The following NRXN3 variants were observed in gnomAD, a reference collection of about 807,000 sequenced individuals.
NRXN3 encodes the protein neurexin III.
NRXN3 carries 32 observed loss-of-function variants against 137.6 expected under a neutral mutation model. That is an observed-to-expected ratio of 0.23 (90% CI 0.18 to 0.31). The LOEUF (loss-of-function observed/expected upper bound fraction) is 0.31, where lower values mean the gene tolerates loss of function less well. NRXN3 is among the 10% of genes least tolerant of loss of function. The probability of loss-of-function intolerance (pLI) is 1.00; values close to 1 mark genes in which losing one functional copy is unlikely to be tolerated. For synonymous variants in NRXN3, 798 were observed against 784.5 expected (o/e 1.02, Z -0.29); for missense variants, 1,574 against 2,062.5 (o/e 0.76, Z 4.59).
At chr14:79,569,468 A>G (rs2097577385) in intron 16 of NRXN3, among the ~76,000 whole-genome samples, 2 of 152,166 alleles carry the variant, frequency 1.3e-5, no homozygotes, top group South Asian at 4.1e-4. Context: ...GCATTAAACA[A>G]TTACTATGCA....
chr14:78,585,858 G>C (rs891795055), intron 4 of NRXN3, among the ~76,000 whole-genome samples: 1 of 152,148 alleles, frequency 6.6e-6, no homozygotes, highest in African/African-American at 2.4e-5. Flanking sequence ...ATTGGTGATG[G>C]TATGAGTAAG....
At chr14:79,617,906 C>T (rs1209555824) in intron 16 of NRXN3, among the ~76,000 whole-genome samples, 2 of 88,200 alleles carry the variant, frequency 2.3e-5, no homozygotes, top group Non-Finnish European at 4.0e-5. Context: ...GAGATAGGAG[C>T]TGAATAGCAG....
intron 15 of NRXN3, among the ~76,000 whole-genome samples, chr14:79,112,674 C>T (rs1161276150): frequency 1.3e-5 from 2 of 152,156 alleles, no homozygotes; most frequent in East Asian, 3.9e-4. Context: ...AATGCAGTAC[C>T]TTGAAAAAAG....
intron 4 of NRXN3, among the ~76,000 whole-genome samples, chr14:78,553,524 C>T (rs1341869434): frequency 2.6e-5 from 4 of 152,182 alleles, no homozygotes; most frequent in Non-Finnish European, 5.9e-5. Flanking sequence ...ATCCACCCAT[C>T]CCCTCTCAGA....
At chr14:78,286,629 GC>G (rs1367282654) in intron 3 of NRXN3, among the ~76,000 whole-genome samples, 1 of 152,172 alleles carries the variant, frequency 6.6e-6, no homozygotes, top group Non-Finnish European at 1.5e-5. Context: ...ATGTAGGGAG[GC>G]ATCTGAGGAT....
intron 4 of NRXN3, among the ~76,000 whole-genome samples, chr14:78,598,012 T>C (rs2097171835): frequency 6.6e-6 from 1 of 152,192 alleles, no homozygotes; most frequent in Non-Finnish European, 1.5e-5. Flanking sequence ...AGGTCTCTGC[T>C]TCACAGCTCT....
intron 19 of NRXN3, among the ~76,000 whole-genome samples, chr14:79,736,477 C>T (rs1240574441): frequency 6.6e-6 from 1 of 152,176 alleles, no homozygotes; most frequent in Non-Finnish European, 1.5e-5. Context: ...AGAGCTTCCT[C>T]TTCTGAATAT....
chr14:79,208,346 T>C (rs2067107977), intron 15 of NRXN3, among the ~76,000 whole-genome samples: 3 of 152,200 alleles, frequency 2.0e-5, no homozygotes, highest in South Asian at 4.1e-4. Flanking sequence ...TTAGGCTCTA[T>C]GCCATCATGG....
chr14:79,437,224 C>G (rs1345782693), intron 15 of NRXN3, among the ~76,000 whole-genome samples: 1 of 151,992 alleles, frequency 6.6e-6, no homozygotes, highest in Non-Finnish European at 1.5e-5. Context: ...TGTTTTATAC[C>G]TCAGCGCTTT....
chr14:79,417,799 C>A (rs1599983315), intron 15 of NRXN3, among the ~76,000 whole-genome samples: 1 of 151,734 alleles, frequency 6.6e-6, no homozygotes, highest in East Asian at 1.9e-4. Context: ...AAGTTCAATC[C>A]CCATGCTCAA....
chr14:78,348,656 A>G (rs1406608260), intron 4 of NRXN3, among the ~76,000 whole-genome samples: 1 of 152,174 alleles, frequency 6.6e-6, no homozygotes, highest in Non-Finnish European at 1.5e-5. Context: ...TCCCCGGACC[A>G]ACAGCATCTG....
chr14:78,811,837 C>T (rs570539218), intron 10 of NRXN3, among the ~76,000 whole-genome samples: 2 of 152,210 alleles, frequency 1.3e-5, no homozygotes, highest in African/African-American at 2.4e-5. Context: ...AGTGCTTTAT[C>T]CTTGTCTTGG....
At chr14:79,260,361 T>C (rs561097853) in intron 15 of NRXN3, among the ~76,000 whole-genome samples, 145 of 152,260 alleles carry the variant, frequency 9.5e-4, no homozygotes, top group African/African-American at 3.4e-3. Context: ...AGGTGGGAAG[T>C]ATGATCTGTC....
intron 15 of NRXN3, among the ~76,000 whole-genome samples, chr14:79,125,655 AC>A (rs1487318599): frequency 6.6e-6 from 1 of 151,958 alleles, no homozygotes; most frequent in African/African-American, 2.4e-5. Flanking sequence ...TGTCATCAGC[AC>A]CCCTTTCACT....
chr14:79,677,251 T>C (rs895978374), intron 17 of NRXN3, among the ~76,000 whole-genome samples: 6 of 151,848 alleles, frequency 4.0e-5, no homozygotes, highest in Admixed American at 6.6e-5. Flanking sequence ...AAATGATAAA[T>C]AGGAGGAAGA....
chr14:78,879,264 A>G (rs1456040776), intron 10 of NRXN3, among the ~76,000 whole-genome samples: 1 of 152,086 alleles, frequency 6.6e-6, no homozygotes, highest in African/African-American at 2.4e-5. Flanking sequence ...ATTCTATTTT[A>G]ATTTTTTGAG....
At chr14:78,352,573 G>C (rs984535214) in intron 4 of NRXN3, among the ~76,000 whole-genome samples, 1 of 152,142 alleles carries the variant, frequency 6.6e-6, no homozygotes, top group African/African-American at 2.4e-5. Flanking sequence ...GTTGGGGAGG[G>C]GTGTGGGATT....
At chr14:78,725,198 C>T (rs558499497) in intron 8 of NRXN3, among the ~76,000 whole-genome samples, 8 of 152,282 alleles carry the variant, frequency 5.3e-5, no homozygotes, top group African/African-American at 1.9e-4. Context: ...TCTCTGCAGG[C>T]CCCTTGTTTG....
intron 14 of NRXN3, among the ~76,000 whole-genome samples, chr14:78,977,915 G>A (rs1270937984): frequency 1.3e-5 from 2 of 152,080 alleles, no homozygotes; most frequent in Admixed American, 6.6e-5. Context: ...TTTTCCTGGG[G>A]TGCTGGTTGT....
Sources: allele counts gnomAD v4.1 joint callset (sites outside exome capture counted in the v4.1 genomes callset), GRCh38; gene constraint gnomAD v4.1.1; transcripts MANE v1.5; gene names NCBI Gene and HGNC (gene_info 2026-07-23, HGNC 2026-07-21).